Variants in UGT2A1 observed in about 807,000 individuals in gnomAD.
UGT2A1 encodes the protein UDP glucuronosyltransferase family 2 member A1 complex locus.
A neutral mutation model predicts 45.4 loss-of-function variants in UGT2A1; 61 were observed. The ratio of observed to expected loss-of-function variants is 1.34; its 90% CI spans 1.09 to 1.66. The LOEUF is 1.66. Among genes scored for constraint, UGT2A1 ranks in the 40% most tolerant of loss-of-function variants. The pLI is 0.00. For synonymous variants in UGT2A1, 229 were observed against 196.2 expected, an observed-to-expected ratio of 1.17 and a Z score of -1.40; for missense variants, 649 against 574.3, an observed-to-expected ratio of 1.13 and a Z score of -1.33.
intron 3 of UGT2A1, among the ~76,000 whole-genome samples, chr4:69,607,173 G>A (rs1336719781): frequency 6.3e-5 from 8 of 127,006 alleles, no homozygotes; most frequent in South Asian, 4.9e-4. Context: ...AAACTATACT[G>A]CAAGGCTACA....
Position 69,646,382 on chromosome 4 carries a change from T to C in UGT2A1, c.715+548A>G, listed in dbSNP as rs114764460. On this transcript the variant is annotated intron_variant, in intron 2 of 6. Coordinates refer to ENST00000286604, the MANE Select transcript of UGT2A1 (RefSeq NM_001252275.3). ...CCATATCACACTTAAGCAAATTAAA[T>C]AAGCTTAGCATGGATAAATCACCCT... 4.2e-3 allele frequency among the ~76,000 whole-genome samples: 642 copies of C among 151,920 alleles called. 5 individuals carry two copies. The highest frequency in any genetic ancestry group is 0.013 in the African/African-American group (534 of 41,514).
At chr4:69,646,861 A>T in intron 2 of UGT2A1, 69 bp downstream of exon 2, 2 of 1,108,906 alleles carry the variant, frequency 1.8e-6, no homozygotes, top group Non-Finnish European at 2.5e-6. Flanking sequence ...ACATAGGGAA[A>T]TAAAGAAGAG....
intron 3 of UGT2A1, among the ~76,000 whole-genome samples, chr4:69,600,230 T>C (rs971827200): frequency 6.6e-6 from 1 of 152,162 alleles, no homozygotes; most frequent in African/African-American, 2.4e-5. Flanking sequence ...CCCTACCCAG[T>C]ACTGGAGCTG....
intron 4 of UGT2A1, 93 bp from the exon 5 acceptor site, chr4:69,595,342 T>A: frequency 7.0e-7 from 1 of 1,438,002 alleles, no homozygotes; most frequent in South Asian, 1.2e-5. Flanking sequence ...AGCCAGCTAC[T>A]TGGAAGACGG....
At chr4:69,648,809 A>C (rs1474061965) in intron 1 of UGT2A1, among the ~76,000 whole-genome samples, 1 of 151,964 alleles carries the variant, frequency 6.6e-6, no homozygotes, top group Non-Finnish European at 1.5e-5. Flanking sequence ...TGAACCCCTA[A>C]ATCTATAAAA....
intron 3 of UGT2A1, among the ~76,000 whole-genome samples, chr4:69,630,930 C>A (rs537152771): frequency 2.0e-5 from 3 of 152,052 alleles, no homozygotes; most frequent in Admixed American, 2.0e-4. Flanking sequence ...CTAAAGAATA[C>A]ACGACTAAGT....
At position 69,635,828 on chromosome 4, in the gene UGT2A1, C is replaced by CAGAAAAAAAAAAAAAAAAAAA. The variant is rs1721658425; in HGVS notation, c.716-7_716-6insTTTTTTTTTTTTTTTTTTTCT. On this transcript the variant is annotated splice_region_variant and splice_polypyrimidine_tract_variant and intron_variant, in intron 2 of 6. Coordinates refer to ENST00000286604, the MANE Select transcript of UGT2A1 (RefSeq NM_001252275.3). ...GCAACAGAGTAAGAGTCCACCTCAC[C>CAGAAAAAAAAAAAAAAAAAAA]AAAAAAAAAAAAAAAAAAAAAAGAG... The CAGAAAAAAAAAAAAAAAAAAA allele has an allele frequency of 2.0e-5, 1 of 49,134 alleles. No individual in the cohort carries two copies. The highest frequency in any genetic ancestry group is 6.6e-5 in the African/African-American group (1 of 15,138). 3.0% of individuals were successfully genotyped at this position (49,134 alleles called of 1,614,324 possible).
chr4:69,614,022 GA>G (rs1720220965), intron 3 of UGT2A1, among the ~76,000 whole-genome samples: 1 of 151,886 alleles, frequency 6.6e-6, no homozygotes, highest in Admixed American at 6.6e-5. Flanking sequence ...AAATTATAAA[GA>G]AAATAAAGTC....
chr4:69,643,902 A>T (rs1249716049), intron 2 of UGT2A1, among the ~76,000 whole-genome samples: 2 of 151,614 alleles, frequency 1.3e-5, no homozygotes, highest in Non-Finnish European at 3.0e-5. Flanking sequence ...TCCATTTATC[A>T]TTCTCCTTTA....
intron 2 of UGT2A1, among the ~76,000 whole-genome samples, chr4:69,644,873 C>T (rs1722186460): frequency 6.6e-6 from 1 of 151,744 alleles, no homozygotes; most frequent in South Asian, 2.1e-4. Flanking sequence ...CTAACCTATG[C>T]ATATTTATTT....
intron 3 of UGT2A1, among the ~76,000 whole-genome samples, chr4:69,614,671 C>G (rs953386758): frequency 1.3e-5 from 2 of 151,958 alleles, no homozygotes; most frequent in African/African-American, 4.8e-5. Flanking sequence ...ATCTGTACAT[C>G]TACAGTAAAC....
At chr4:69,622,769 C>T (rs1189388179) in intron 3 of UGT2A1, among the ~76,000 whole-genome samples, 1 of 151,570 alleles carries the variant, frequency 6.6e-6, no homozygotes, top group Non-Finnish European at 1.5e-5. Flanking sequence ...TTCACATGAC[C>T]CATAGGGTCA....
At chr4:69,601,308 C>T (rs540210012) in intron 3 of UGT2A1, among the ~76,000 whole-genome samples, 16 of 152,264 alleles carry the variant, frequency 1.1e-4, no homozygotes, top group African/African-American at 2.4e-4. Context: ...GACCCAGCCT[C>T]GTGTTCTTGC....
chr4:69,624,519 C>T (rs569496375), intron 3 of UGT2A1, among the ~76,000 whole-genome samples: 2 of 150,898 alleles, frequency 1.3e-5, no homozygotes, highest in South Asian at 4.2e-4. Flanking sequence ...TTTAAGTTAC[C>T]TCATCTCTTT....
At chr4:69,652,561 G>A (rs938782162) in intron 1 of UGT2A1, among the ~76,000 whole-genome samples, 19 of 151,650 alleles carry the variant, frequency 1.3e-4, no homozygotes, top group Non-Finnish European at 1.9e-4. Context: ...GTGAGCCACC[G>A]CGCCTGGCCA....
chr4:69,589,769 A>T (rs1298224005), intron 6 of UGT2A1, 118 bp from the exon 7 acceptor site: 2 of 1,386,274 alleles, frequency 1.4e-6, no homozygotes, highest in Non-Finnish European at 1.9e-6. Flanking sequence ...TGGAGAAAAT[A>T]TAATTCTTGC....
At chr4:69,640,358 T>C (rs1721985059) in intron 2 of UGT2A1, among the ~76,000 whole-genome samples, 1 of 151,988 alleles carries the variant, frequency 6.6e-6, no homozygotes, top group Admixed American at 6.6e-5. Flanking sequence ...GTAAAGCTAC[T>C]TTTCAATCTT....
chr4:69,625,220 T>A (rs115491921), intron 3 of UGT2A1, among the ~76,000 whole-genome samples: 4,372 of 151,038 alleles, frequency 0.029, 215 homozygotes, highest in African/African-American at 0.099. Flanking sequence ...ATTTTTCAGA[T>A]TTTCTTTTTA....
At position 69,646,996 on chromosome 4, in the gene UGT2A1, G is replaced by T. The variant is rs762401801; in HGVS notation, c.649C>A (p.His217Asn). 2 of 1,612,030 alleles carry T rather than the reference G, an allele frequency of 1.2e-6. No individual in the cohort carries two copies. The highest frequency in any genetic ancestry group is 4.5e-5 in the East Asian group (2 of 44,860). ...GTTTCAAACATGTAGTCCTGTAGGTGGTAGGAGATGAAATTTCTTATTCTG... is the reference window on the plus strand; with the variant it reads ...GTTTCAAACATGTAGTCCTGTAGGTTGTAGGAGATGAAATTTCTTATTCTG... ...TDRIRNFISY[H>N]LQDYMFETLW... Residue 217 changes from histidine (H) to asparagine (N), a missense_variant, in exon 2 of 7, where the codon CAC (histidine) becomes AAC (asparagine). His to Asn is a moderately conservative substitution (Grantham distance 68). Coordinates refer to ENST00000286604, the MANE Select transcript of UGT2A1 (RefSeq NM_001252275.3).
Sources: allele counts gnomAD v4.1 joint callset (sites outside exome capture counted in the v4.1 genomes callset), GRCh38; gene constraint gnomAD v4.1.1; transcripts MANE v1.5; gene names NCBI Gene and HGNC (gene_info 2026-07-23, HGNC 2026-07-21).